The following DNAH11 variants were observed in gnomAD, a reference collection of about 807,000 sequenced individuals.
The protein encoded by DNAH11 is dynein axonemal heavy chain 11.
Under a neutral mutation model 526.0 loss-of-function variants are expected in DNAH11, and 442 were observed. That is an observed-to-expected ratio of 0.84 (90% CI 0.78 to 0.91). DNAH11 has a LOEUF of 0.91. DNAH11 is among the 40% of genes least tolerant of loss of function. DNAH11 has a pLI of 0.00. For synonymous variants in DNAH11, 2,461 were observed against 1,935.9 expected, an observed-to-expected ratio of 1.27 and a Z score of -7.12; for missense variants, 6,989 against 5,448.7, an observed-to-expected ratio of 1.28 and a Z score of -8.90.
At position 21,638,931 on chromosome 7, in the gene DNAH11, T is replaced by G. The variant is rs763309469; in HGVS notation, c.4818-8T>G. The G allele has an allele frequency of 3.8e-6, 6 of 1,594,328 alleles. No homozygotes were observed. The East Asian group carries it at 1.1e-4, about 30-fold the overall frequency. On this transcript the variant is annotated splice_polypyrimidine_tract_variant and splice_region_variant and intron_variant, in intron 27 of 81. Coordinates refer to ENST00000409508, the MANE Select transcript of DNAH11 (RefSeq NM_001277115.2). ...AGATATGCTTAAAAACATTTTTCAT[T>G]CATGTAGGCTTTCTCTTTGTGAAAA...
chr7:21,572,634 T>C (rs1046047084), intron 8 of DNAH11, among the ~76,000 whole-genome samples: 1 of 152,212 alleles, frequency 6.6e-6, no homozygotes, highest in African/African-American at 2.4e-5. Flanking sequence ...CTTGTTCTTA[T>C]TATTGTATAT....
At chr7:21,796,531 T>C (rs183830317) in intron 61 of DNAH11, among the ~76,000 whole-genome samples, 10 of 152,096 alleles carry the variant, frequency 6.6e-5, no homozygotes, top group Non-Finnish European at 4.4e-5. Context: ...AATGATGATA[T>C]CTGAAAGAGC....
intron 34 of DNAH11, 88 bp downstream of exon 34, chr7:21,687,615 C>T: frequency 4.9e-6 from 7 of 1,418,284 alleles, no homozygotes; most frequent in Non-Finnish European, 5.7e-6. Context: ...ATTGCTACCT[C>T]TCCCTGTCTC....
intron 61 of DNAH11, among the ~76,000 whole-genome samples, chr7:21,798,012 A>G (rs1404858224): frequency 6.6e-6 from 1 of 152,240 alleles, no homozygotes; most frequent in Non-Finnish European, 1.5e-5. Context: ...GTCCCATTTT[A>G]CACATGAGAA....
rs781667145 is a variant in DNAH11 at position 21,711,808 on chromosome 7, G to A, written c.6931G>A (p.Val2311Ile). ...CTTAAGGAGCGCAACCCCGGCCACT[G>A]TTTCCAGAGCTGGTATTCTGTATGT... ...HHLRSATPATVSRAGILYVNP... is the reference protein window; with the variant it reads ...HHLRSATPATISRAGILYVNP... The change falls in exon 42 of 82, where the codon GTT (valine) becomes ATT (isoleucine). Residue 2311 changes from valine to isoleucine, a missense_variant. Physicochemically the swap from Val to Ile is conservative, Grantham distance 29. Transcript: ENST00000409508. 1 of 1,613,838 alleles carries A rather than the reference G, an allele frequency of 6.2e-7. No homozygotes were observed. The highest frequency in any genetic ancestry group is 8.5e-7 in the Non-Finnish European group (1 of 1,179,804).
intron 57 of DNAH11, among the ~76,000 whole-genome samples, chr7:21,779,697 T>C (rs1485256425): frequency 6.6e-6 from 1 of 152,228 alleles, no homozygotes; most frequent in Non-Finnish European, 1.5e-5. Flanking sequence ...GTACACTGTC[T>C]TTTGTCATCT....
chr7:21,710,330 C>T (rs1171735370), intron 40 of DNAH11, among the ~76,000 whole-genome samples: 1 of 152,118 alleles, frequency 6.6e-6, no homozygotes, highest in Non-Finnish European at 1.5e-5. Flanking sequence ...ATATGGGAAG[C>T]TCAGTCGTGG....
In DNAH11 at chr7:21,884,465, G is replaced by C. The variant is rs1784047477; in HGVS notation, c.12507+55G>C. 6.6e-6 allele frequency: 10 copies of C among 1,522,648 alleles called. No individual in the cohort carries two copies. In the Admixed American group the frequency reaches 1.9e-4, roughly 29 times the overall value. The allele number at this position is 1,522,648 out of a possible 1,614,324, so 94.3% of individuals were successfully genotyped here. A position where few individuals can be genotyped will look rare whatever the true frequency, so the allele number is the denominator to read the frequency against. On this transcript the variant is annotated intron_variant, in intron 76 of 81. Coordinates refer to ENST00000409508, the MANE Select transcript of DNAH11 (RefSeq NM_001277115.2). The stretch of plus-strand genomic sequence containing the variant: ...AAATTTCACTGAGCAAAAAATTCTG[G>C]TAAGAATTTTATAAACTAATTATAC...
At chr7:21,896,815 T>A (rs1234867028) in intron 79 of DNAH11, among the ~76,000 whole-genome samples, 1 of 152,112 alleles carries the variant, frequency 6.6e-6, no homozygotes, top group Non-Finnish European at 1.5e-5. Flanking sequence ...GCCCAGCACT[T>A]TGGGAGGGCA....
At chr7:21,623,857 C>T (rs1786199896) in intron 25 of DNAH11, among the ~76,000 whole-genome samples, 2 of 151,808 alleles carry the variant, frequency 1.3e-5, no homozygotes, top group African/African-American at 4.8e-5. Flanking sequence ...GGAGATACAC[C>T]TAATGCTAAA....
chr7:21,670,544 A>T (rs748500232), intron 30 of DNAH11, among the ~76,000 whole-genome samples: 3 of 151,662 alleles, frequency 2.0e-5, no homozygotes, highest in Non-Finnish European at 2.9e-5. Flanking sequence ...TTTTTGAGCT[A>T]TTGAATTGGT....
At position 21,784,545 on chromosome 7, in the gene DNAH11, A is replaced by C. The variant is rs1031157182; in HGVS notation, c.9597+5A>C. ...GCACTCAATACACTCAACAGGGTAA[A>C]GATAATTTATTGGTCCCTGAGTTTC... On this transcript the variant is annotated splice_donor_5th_base_variant and intron_variant, in intron 58 of 81. Transcript: ENST00000409508. 18 of 1,585,916 alleles carry C rather than the reference A, an allele frequency of 1.1e-5. No individual in the cohort carries two copies. The highest frequency in any genetic ancestry group is 1.5e-5 in the Non-Finnish European group (17 of 1,165,710).
At chr7:21,645,909 A>G (rs1007644734) in intron 28 of DNAH11, among the ~76,000 whole-genome samples, 2 of 152,280 alleles carry the variant, frequency 1.3e-5, no homozygotes, top group South Asian at 2.1e-4. Context: ...TAAATTGGAC[A>G]CTGAAGTCCT....
chr7:21,874,334 T>TTTTTTG (rs374414081), intron 74 of DNAH11, among the ~76,000 whole-genome samples: 6,677 of 151,302 alleles, frequency 0.044, 184 homozygotes, highest in South Asian at 0.098. Context: ...CATGGTTTTT[T>TTTTTTG]TTTGTTTTTG....
At position 21,799,463 on chromosome 7, in the gene DNAH11, G is replaced by A. The variant is rs563250212; in HGVS notation, c.10027-1674G>A. 2.5e-4 allele frequency among the ~76,000 whole-genome samples: 38 copies of A among 151,464 alleles called. No individual in the cohort carries two copies. The East Asian group carries it at 2.7e-3, about 11-fold the overall frequency. On this transcript the variant is annotated intron_variant, in intron 61 of 81. Transcript: ENST00000409508. Reference sequence around the variant, plus strand: ...AGCAATTCTCCTGCCTCAGCCTCCCGAGTAGCTGGGATTACAGGCACCCGC... The same window carrying A: ...AGCAATTCTCCTGCCTCAGCCTCCCAAGTAGCTGGGATTACAGGCACCCGC...
intron 37 of DNAH11, 104 bp from the exon 38 acceptor site, chr7:21,704,330 T>G (rs1414640523): frequency 2.7e-5 from 31 of 1,147,678 alleles, no homozygotes; most frequent in Non-Finnish European, 3.7e-5. Flanking sequence ...AGTACCAATA[T>G]CTCATGCTTC....
At chr7:21,569,557 A>G (rs56663505) in intron 6 of DNAH11, among the ~76,000 whole-genome samples, 17,810 of 152,152 alleles carry the variant, frequency 0.12, 1,277 homozygotes, top group East Asian at 0.21. Context: ...TGTATGTCCT[A>G]TAATGTTACT....
intron 56 of DNAH11, among the ~76,000 whole-genome samples, chr7:21,776,420 G>A (rs17357735): frequency 0.3 from 46,087 of 152,148 alleles, 8,530 homozygotes; most frequent in Non-Finnish European, 0.42. Context: ...CCATATTGCA[G>A]AAGATCAGGT....
chr7:21,551,920 A>C (rs562307527), intron 2 of DNAH11, among the ~76,000 whole-genome samples: 1 of 152,118 alleles, frequency 6.6e-6, no homozygotes, highest in Non-Finnish European at 1.5e-5. Flanking sequence ...TCTGTTAACT[A>C]TCTCCTGGCT....
Sources: allele counts gnomAD v4.1 joint callset (sites outside exome capture counted in the v4.1 genomes callset), GRCh38; gene constraint gnomAD v4.1.1; transcripts MANE v1.5; gene names NCBI Gene and HGNC (gene_info 2026-07-23, HGNC 2026-07-21).